Variants in NR2C2 observed in about 807,000 individuals in gnomAD.
NR2C2 encodes nuclear receptor subfamily 2 group C member 2.
NR2C2 carries 6 observed loss-of-function variants against 62.9 expected under a neutral mutation model. That is an observed-to-expected ratio of 0.10 (90% CI 0.05 to 0.19). The LOEUF (loss-of-function observed/expected upper bound fraction) is 0.19, where lower values mean the gene tolerates loss of function less well. Among genes scored for constraint, NR2C2 ranks in the 10% least tolerant of loss-of-function variants. The probability of loss-of-function intolerance (pLI) is 1.00; values close to 1 mark genes in which losing one functional copy is unlikely to be tolerated. For missense variants in NR2C2, 479 were observed against 762.7 expected (o/e 0.63, Z 4.38); for synonymous variants, 272 against 273.8 (o/e 0.99, Z 0.07).
chr3:14,981,136 A>G (rs1042995370), intron 1 of NR2C2, among the ~76,000 whole-genome samples: 1 of 152,196 alleles, frequency 6.6e-6, no homozygotes, highest in African/African-American at 2.4e-5. Context: ...GTGCCTTGGC[A>G]CTGCTAAACA....
At chr3:15,002,950 C>T (rs1266004424) in intron 1 of NR2C2, among the ~76,000 whole-genome samples, 3 of 149,004 alleles carry the variant, frequency 2.0e-5, no homozygotes, top group African/African-American at 7.4e-5. Flanking sequence ...GAGCTACCGC[C>T]GCCGACCCAC....
chr3:14,998,521 T>C (rs531938321), intron 1 of NR2C2, among the ~76,000 whole-genome samples: 1 of 152,368 alleles, frequency 6.6e-6, no homozygotes, highest in South Asian at 2.1e-4. Context: ...CTAATGACCT[T>C]GGAACATCTT....
At chr3:15,022,551 G>C (rs762685305) in intron 5 of NR2C2, among the ~76,000 whole-genome samples, 1 of 151,930 alleles carries the variant, frequency 6.6e-6, no homozygotes. Flanking sequence ...GATTACAGGT[G>C]CCTGCCACCA....
intron 1 of NR2C2, among the ~76,000 whole-genome samples, chr3:14,969,671 A>G (rs2039979311): frequency 6.6e-6 from 1 of 152,214 alleles, no homozygotes; most frequent in Non-Finnish European, 1.5e-5. Context: ...AGTTGCATGT[A>G]TGTTTATGCA....
Position 15,013,805 on chromosome 3 carries a change from A to C in NR2C2, c.273+16A>C, listed in dbSNP as rs772412728. ...CAGGATCCAGGTAAGGCCTTTGGAC[A>C]GGTATTTGTTTCAGCACTTCTGCTA... On this transcript the variant is annotated intron_variant, in intron 3 of 13. Transcript: ENST00000425241. 6.2e-7 allele frequency: 1 copy of C among 1,613,388 alleles called. No individual in the cohort carries two copies. Among genetic ancestry groups the C allele is most frequent in the African/African-American group, 1.3e-5 (1 of 74,926 alleles).
chr3:15,029,899 A>G, intron 8 of NR2C2, among the ~76,000 whole-genome samples: 1 of 148,234 alleles, frequency 6.7e-6, no homozygotes. Flanking sequence ...ACAAAGAGAA[A>G]AGGAAGGAAG....
At chr3:15,026,718 G>C (rs1027026851) in intron 7 of NR2C2, 1 of 151,860 alleles carries the variant, frequency 6.6e-6, no homozygotes, top group African/African-American at 2.4e-5. Context: ...TTTTTTTAAA[G>C]ACAAGAGTTT....
In NR2C2 at chr3:14,995,668, CGTGT is replaced by C. The variant is rs58878848; in HGVS notation, c.-39-8187_-39-8184del. 1.3e-3 allele frequency among the ~76,000 whole-genome samples: 188 copies of C among 148,596 alleles called. 1 individual carries two copies. The highest frequency in any genetic ancestry group is 2.1e-3 in the Non-Finnish European group (144 of 67,306). On this transcript the variant is annotated intron_variant, in intron 1 of 13. Transcript: ENST00000425241. ...TTTTTCTGTGGACACGTTTTCATTA[CGTGT>C]GTGTGTGTGTGTGTGTGTGTACACC...
intron 1 of NR2C2, among the ~76,000 whole-genome samples, chr3:14,973,600 GT>G (rs35994117): frequency 0.062 from 9,464 of 152,080 alleles, 372 homozygotes; most frequent in East Asian, 0.13. Flanking sequence ...CTATGATCCA[GT>G]TATACGGTAT....
intron 1 of NR2C2, among the ~76,000 whole-genome samples, chr3:14,974,008 A>T (rs2040128577): frequency 6.6e-6 from 1 of 152,158 alleles, no homozygotes; most frequent in Non-Finnish European, 1.5e-5. Flanking sequence ...CAGTAGTTTA[A>T]GTATATTCAT....
rs1249719846 is a variant in NR2C2 at position 15,047,416 on chromosome 3, C to T, written c.*4408C>T. ...GCTGGAAGACAGTTTATCTTAATAT[C>T]CAAAACTAAGTGGGAATTTTTAACC... On this transcript the variant is annotated 3_prime_UTR_variant, in exon 14 of 14. Transcript: ENST00000425241. The T allele has an allele frequency of 1.3e-5, 2 of 152,206 alleles. No individual in the cohort carries two copies. The highest frequency in any genetic ancestry group is 2.4e-5 in the African/African-American group (1 of 41,462). 9.4% of individuals were successfully genotyped at this position (152,206 alleles called of 1,614,324 possible). A position where few individuals can be genotyped will look rare whatever the true frequency, so the allele number is the denominator to read the frequency against.
chr3:15,008,050 C>T (rs1260154523), intron 2 of NR2C2, among the ~76,000 whole-genome samples: 2 of 152,106 alleles, frequency 1.3e-5, no homozygotes, highest in Non-Finnish European at 2.9e-5. Context: ...GAGGCTACCT[C>T]ATCTAAAGAG....
At chr3:15,014,896 G>C (rs1260391321) in intron 3 of NR2C2, among the ~76,000 whole-genome samples, 1 of 152,212 alleles carries the variant, frequency 6.6e-6, no homozygotes, top group Admixed American at 6.5e-5. Flanking sequence ...CCTTTTGGCT[G>C]TTGAATTAAT....
rs1231275654 is a variant in NR2C2, at chr3:14,951,752, G to GT, written c.-40+3847dup. Among the ~76,000 whole-genome samples the GT allele has an allele frequency of 6.0e-5, 9 of 150,622 alleles. No homozygotes were observed. The East Asian group carries it at 1.7e-3, about 29-fold the overall frequency. On this transcript the variant is annotated intron_variant, in intron 1 of 13. Transcript: ENST00000425241. ...GAGGATGGCTGGAAGTTTTTTTTGT[G>GT]TGTTTTTTTTTGTTTTTGGGAGTCT...
At position 15,048,563 on chromosome 3, in the gene NR2C2, G is replaced by C. The variant is rs1575062666; in HGVS notation, c.*5555G>C. On this transcript the variant is annotated 3_prime_UTR_variant, in exon 14 of 14. Transcript: ENST00000425241. ...GATTGATAGACTGTTAAAATTTAAT[G>C]TTTGGAATAACATTTGGAAGTAGTA... 1 of 152,672 alleles carries C rather than the reference G, an allele frequency of 6.5e-6. No individual in the cohort carries two copies. The highest frequency in any genetic ancestry group is 1.9e-4 in the East Asian group (1 of 5,188). 9.5% of individuals were successfully genotyped at this position (152,672 alleles called of 1,614,324 possible). A position where few individuals can be genotyped will look rare whatever the true frequency, so the allele number is the denominator to read the frequency against.
At chr3:15,025,069 G>A (rs1339039705) in intron 7 of NR2C2, among the ~76,000 whole-genome samples, 1 of 152,236 alleles carries the variant, frequency 6.6e-6, no homozygotes. Flanking sequence ...CTTTGGGCAG[G>A]GGCCACATGC....
chr3:14,964,054 A>C (rs1183174713), intron 1 of NR2C2, among the ~76,000 whole-genome samples: 1 of 152,204 alleles, frequency 6.6e-6, no homozygotes, highest in African/African-American at 2.4e-5. Context: ...TGCTTGTAAA[A>C]CAAGTCCTCA....
At chr3:15,019,339 C>T (rs1390984452) in intron 4 of NR2C2, among the ~76,000 whole-genome samples, 2 of 152,020 alleles carry the variant, frequency 1.3e-5, no homozygotes, top group Non-Finnish European at 2.9e-5. Context: ...ACTAGTACAG[C>T]CACTATAGAA....
At chr3:14,993,871 G>A (rs2040741161) in intron 1 of NR2C2, among the ~76,000 whole-genome samples, 1 of 152,178 alleles carries the variant, frequency 6.6e-6, no homozygotes. Context: ...CCCTGAACAG[G>A]TGAGGAAGCC....
Sources: allele counts gnomAD v4.1 joint callset (sites outside exome capture counted in the v4.1 genomes callset), GRCh38; gene constraint gnomAD v4.1.1; transcripts MANE v1.5; gene names NCBI Gene and HGNC (gene_info 2026-07-23, HGNC 2026-07-21).